The following SHISA7 variants were observed in gnomAD, a reference collection of about 807,000 sequenced individuals.
The protein encoded by SHISA7 is protein shisa-7.
Under a neutral mutation model 23.9 loss-of-function variants are expected in SHISA7, and 6 were observed. The ratio of observed to expected loss-of-function variants is 0.25; its 90% CI spans 0.14 to 0.50. The LOEUF is 0.50. Ranked by LOEUF, SHISA7 falls within the 20% of genes least tolerant of loss-of-function variation. The pLI is 0.98. For missense variants in SHISA7, 671 were observed against 801.1 expected, an observed-to-expected ratio of 0.84 and a Z score of 1.96; for synonymous variants, 386 against 398.3, an observed-to-expected ratio of 0.97 and a Z score of 0.37.
rs556640885 is a variant in SHISA7, at chr19:55,439,042, A to G, written c.827-1288T>C. On this transcript the variant is annotated intron_variant, in intron 2 of 3. Coordinates refer to ENST00000376325, the MANE Select transcript of SHISA7 (RefSeq NM_001145176.2). ...CTGGCCATCCAGCCCATCCATCTCC[A>G]TGATCAGCCTCACCGAGGTAACTGC... Among the ~76,000 whole-genome samples, 3 of 152,112 alleles carry G rather than the reference A, an allele frequency of 2.0e-5. No homozygotes were observed. In the South Asian group the frequency reaches 6.2e-4, roughly 32 times the overall value.
In SHISA7 at chr19:55,442,754, A is replaced by C; in HGVS notation, c.110T>G (p.Leu37Arg). Residue 37 changes from leucine to arginine, a missense_variant, in exon 1 of 4, where the codon CTG becomes CGG. By Grantham distance (102) the Leu-to-Arg change is moderately radical (BLOSUM62 -2). Transcript: ENST00000376325. The stretch of plus-strand genomic sequence containing the variant: ...CCCGGTCAGGCGCCGCAGGTGCGCC[A>C]GCAGGGCGGGCAGCGGGCCCGCGGG... ...AEPAGPLPAL[L>R]AHLRRLTGAL... 1 of 1,146,604 alleles carries C rather than the reference A, an allele frequency of 8.7e-7. No individual in the cohort carries two copies. Among genetic ancestry groups the C allele is most frequent in the Non-Finnish European group, 1.1e-6 (1 of 934,430 alleles). The allele number at this position is 1,146,604 out of a possible 1,614,324, so 71.0% of individuals were successfully genotyped here.
At chr19:55,440,555 T>A in intron 2 of SHISA7, 56 bp downstream of exon 2, 1 of 1,246,640 alleles carries the variant, frequency 8.0e-7, no homozygotes, top group Non-Finnish European at 1.0e-6. Context: ...CGGGGCTACA[T>A]GATGAAGGGG....
Position 55,433,046 on chromosome 19 carries a change from CA to C in SHISA7, c.*109del. The C allele has an allele frequency of 1.5e-6, 2 of 1,323,284 alleles. No homozygotes were observed. The highest frequency in any genetic ancestry group is 2.0e-6 in the Non-Finnish European group (2 of 1,018,918). 82.0% of individuals were successfully genotyped at this position (1,323,284 alleles called of 1,614,324 possible). ...CCAGAAGGAGGCTTTCACTCCTGTC[CA>C]AGGGCCGATCTGGGCCCCAGGCCCC... On this transcript the variant is annotated 3_prime_UTR_variant, in exon 4 of 4. Transcript: ENST00000376325. The surrounding 1 kb of genome is among the most constrained non-coding windows in gnomAD (Gnocchi z 8.4).
Position 55,432,999 on chromosome 19 carries a change from G to T in SHISA7, c.*157C>A. 1 of 898,856 alleles carries T rather than the reference G, an allele frequency of 1.1e-6. No individual in the cohort carries two copies. Among genetic ancestry groups the T allele is most frequent in the East Asian group, 3.3e-5 (1 of 30,204 alleles). 55.7% of individuals were successfully genotyped at this position (898,856 alleles called of 1,614,324 possible). A position where few individuals can be genotyped will look rare whatever the true frequency, so the allele number is the denominator to read the frequency against. On this transcript the variant is annotated 3_prime_UTR_variant, in exon 4 of 4. Transcript: ENST00000376325. This position sits in a 1 kb window ranked among gnomAD's most constrained non-coding sequence, Gnocchi z 4.6. The stretch of plus-strand genomic sequence containing the variant: ...TCAAGCAGTGAAGTAATAGGAGGAG[G>T]AATCTTGTCTGCCAGGACATCCCAG...
intron 2 of SHISA7, among the ~76,000 whole-genome samples, chr19:55,439,680 C>G (rs1985549954): frequency 6.6e-6 from 1 of 152,186 alleles, no homozygotes; most frequent in Admixed American, 6.5e-5. Flanking sequence ...GGCCTTTGCT[C>G]AAATACCTCT....
At chr19:55,435,554 A>G (rs1005397058) in intron 3 of SHISA7, among the ~76,000 whole-genome samples, 1 of 140,754 alleles carries the variant, frequency 7.1e-6, no homozygotes, top group Admixed American at 7.5e-5. Flanking sequence ...GGAGTTCAAG[A>G]CCGACCTGGG....
chr19:55,443,298 G>A lies in SHISA7; in HGVS notation c.-435C>T, dbSNP rs527405555. 1.3e-5 allele frequency among the ~76,000 whole-genome samples: 2 copies of A among 149,062 alleles called. No homozygotes were observed. The highest frequency in any genetic ancestry group is 4.3e-4 in the South Asian group (2 of 4,604). ...CGATGTAAGGAGAAGAAACGGGGGC[G>A]GCGAAGAGGAGAGGGCAGGGGAGGC... On this transcript the variant is annotated 5_prime_UTR_variant, in exon 1 of 4. Coordinates refer to ENST00000376325, the MANE Select transcript of SHISA7 (RefSeq NM_001145176.2).
In SHISA7 at chr19:55,433,623, T is replaced by G; in HGVS notation, c.1150A>C (p.Met384Leu). 1 of 1,492,296 alleles carries G rather than the reference T, an allele frequency of 6.7e-7. No individual in the cohort carries two copies. Among genetic ancestry groups the G allele is most frequent in the Non-Finnish European group, 8.9e-7 (1 of 1,127,974 alleles). The allele number at this position is 1,492,296 out of a possible 1,614,324, so 92.4% of individuals were successfully genotyped here. A position where few individuals can be genotyped will look rare whatever the true frequency, so the allele number is the denominator to read the frequency against. ...LAPAPNPRRV[M>L]SQEHLLGDGG... ...TCGCCCAGCAGGTGCTCCTGGGACA[T>G]GACCCGCCGGGGGTTGGGCGCGGGC... is the stretch of plus-strand genomic sequence containing the variant. The change falls in exon 4 of 4, where the codon ATG becomes CTG. Residue 384 changes from methionine (M) to leucine (L), a missense_variant. This residue lies in a region of SHISA7 where 457 missense variants were observed against 488.3 expected (regional missense o/e 0.94). Transcript: ENST00000376325. This position sits in a 1 kb window ranked among gnomAD's most constrained non-coding sequence, Gnocchi z 8.4.
In SHISA7 at chr19:55,440,647, T is replaced by G; in HGVS notation, c.790A>C (p.Lys264Gln). The change falls in exon 2 of 4, where the codon AAG becomes CAG. Residue 264 changes from lysine (K) to glutamine (Q), a missense_variant. Lys to Gln is a moderately conservative substitution (Grantham distance 53, BLOSUM62 1). Around this residue, in one of 5 missense-constraint regions of SHISA7, gnomAD observed 457 missense variants for 488.3 expected, o/e 0.94. Coordinates refer to ENST00000376325, the MANE Select transcript of SHISA7 (RefSeq NM_001145176.2). ...GTCTTCACGGTGTTGTAGAGGTTCT[T>G]GGGCGTCCTGGGGGGCATGCTGTCG... ...GPDSMPPRTPKNLYNTVKTPN... is the reference protein window; with the variant it reads ...GPDSMPPRTPQNLYNTVKTPN... 8.0e-7 allele frequency: 1 copy of G among 1,249,642 alleles called. No homozygotes were observed. The highest frequency in any genetic ancestry group is 1.0e-6 in the Non-Finnish European group (1 of 988,200). The allele number at this position is 1,249,642 out of a possible 1,614,324, so 77.4% of individuals were successfully genotyped here.
chr19:55,436,205 T>C (rs765263624), intron 3 of SHISA7, among the ~76,000 whole-genome samples: 14 of 151,394 alleles, frequency 9.2e-5, no homozygotes, highest in Non-Finnish European at 1.5e-4. Flanking sequence ...GAGAATCGCT[T>C]GAGCCCAGGA....
chr19:55,439,705 C>T (rs1275291339), intron 2 of SHISA7, among the ~76,000 whole-genome samples: 1 of 152,194 alleles, frequency 6.6e-6, no homozygotes, highest in Non-Finnish European at 1.5e-5. Flanking sequence ...CGGAGAAGCC[C>T]TTCTGACGCC....
At chr19:55,438,528 T>C in intron 2 of SHISA7, 1 of 1,303,408 alleles carries the variant, frequency 7.7e-7, no homozygotes, top group South Asian at 1.2e-5. Context: ...GAAGGAGGCC[T>C]GCTCTTTTCC....
chr19:55,433,832 C>T lies in SHISA7; in HGVS notation c.977-36G>A. ...AGGGGGAAAAGCCACAGCCGTGGGT[C>T]CCCTGCGCATCTAGAGCCCTCCCCC... is the stretch of plus-strand genomic sequence containing the variant. On this transcript the variant is annotated intron_variant, in intron 3 of 3. Coordinates refer to ENST00000376325, the MANE Select transcript of SHISA7 (RefSeq NM_001145176.2). The surrounding 1 kb of genome is among the most constrained non-coding windows in gnomAD (Gnocchi z 8.4). 7.3e-7 allele frequency: 1 copy of T among 1,366,268 alleles called. No individual in the cohort carries two copies. Among genetic ancestry groups the T allele is most frequent in the Non-Finnish European group, 9.4e-7 (1 of 1,067,062 alleles). 84.6% of individuals were successfully genotyped at this position (1,366,268 alleles called of 1,614,324 possible). A position where few individuals can be genotyped will look rare whatever the true frequency, so the allele number is the denominator to read the frequency against.
rs1455210957 is a variant in SHISA7 at position 55,430,784 on chromosome 19, G to C, written c.*2372C>G. The C allele has an allele frequency of 6.6e-6, 1 of 151,298 alleles. No homozygotes were observed. The highest frequency in any genetic ancestry group is 1.5e-5 in the Non-Finnish European group (1 of 68,052). The allele number at this position is 151,298 out of a possible 1,614,324, so 9.4% of individuals were successfully genotyped here. A position where few individuals can be genotyped will look rare whatever the true frequency, so the allele number is the denominator to read the frequency against. On this transcript the variant is annotated 3_prime_UTR_variant, in exon 4 of 4. Coordinates refer to ENST00000376325, the MANE Select transcript of SHISA7 (RefSeq NM_001145176.2). ...GTTATGGCGGATCCTAGTGGATGGT[G>C]ACAGCACTGGACCTCATGGATCCTG...
At chr19:55,437,936 C>T (rs1422404284) in intron 2 of SHISA7, among the ~76,000 whole-genome samples, 182 bp from the exon 3 acceptor site, 1 of 148,416 alleles carries the variant, frequency 6.7e-6, no homozygotes, top group Non-Finnish European at 1.5e-5. Context: ...GCCTCAGCCC[C>T]GCCTCCCTCA....
intron 3 of SHISA7, among the ~76,000 whole-genome samples, chr19:55,435,398 T>G (rs1399447558): frequency 2.5e-5 from 2 of 80,008 alleles, no homozygotes; most frequent in African/African-American, 8.1e-5. Flanking sequence ...TGTGTGTGTG[T>G]GGGTGTGTGT....
chr19:55,436,928 TAAA>T (rs962715364), intron 3 of SHISA7, among the ~76,000 whole-genome samples: 8 of 151,994 alleles, frequency 5.3e-5, no homozygotes, highest in African/African-American at 1.4e-4. Flanking sequence ...ATAGTGGTAA[TAAA>T]GAAGAAAAAG....
In SHISA7 at chr19:55,442,466, G is replaced by C; in HGVS notation, c.398C>G (p.Thr133Arg). 1 of 1,446,526 alleles carries C rather than the reference G, an allele frequency of 6.9e-7. No homozygotes were observed. The highest frequency in any genetic ancestry group is 9.1e-7 in the Non-Finnish European group (1 of 1,098,554). 89.6% of individuals were successfully genotyped at this position (1,446,526 alleles called of 1,614,324 possible). A position where few individuals can be genotyped will look rare whatever the true frequency, so the allele number is the denominator to read the frequency against. Reference protein sequence around the residue: ...LAQASCSNYDTPRWATTPPPL... With the variant: ...LAQASCSNYDRPRWATTPPPL... ...CGGCGGCGTGGTGGCCCAGCGCGGC[G>C]TGTCGTAGTTGGAGCAGGAGGCCTG... The change falls in exon 1 of 4, where the codon ACG becomes AGG. Residue 133 changes from threonine (T) to arginine (R), a missense_variant. Coordinates refer to ENST00000376325, the MANE Select transcript of SHISA7 (RefSeq NM_001145176.2).
Position 55,443,004 on chromosome 19 carries a change from G to A in SHISA7, c.-141C>T, listed in dbSNP as rs1985632133. ...CAGAGAGGCTGGGGAGGGCGGGCGG[G>A]GGGCGGCAGAGTGTGGGGAGCAACA... On this transcript the variant is annotated 5_prime_UTR_variant, in exon 1 of 4. Transcript: ENST00000376325. 6.8e-6 allele frequency: 1 copy of A among 146,602 alleles called. No individual in the cohort carries two copies. Among genetic ancestry groups the A allele is most frequent in the Admixed American group, 6.8e-5 (1 of 14,706 alleles). 9.1% of individuals were successfully genotyped at this position (146,602 alleles called of 1,614,324 possible).
Sources: allele counts gnomAD v4.1 joint callset (sites outside exome capture counted in the v4.1 genomes callset), GRCh38; gene constraint gnomAD v4.1.1; regional missense constraint gnomAD v4.1.1; non-coding constraint Gnocchi (gnomAD v3.1); transcripts MANE v1.5; gene names NCBI Gene and HGNC (gene_info 2026-07-23, HGNC 2026-07-21).